HS6ST1: variants seen among roughly 807,000 people sequenced by gnomAD.
HS6ST1 encodes the protein heparan-sulfate 6-O-sulfotransferase 1.
Under a neutral mutation model 25.2 loss-of-function variants are expected in HS6ST1, and 3 were observed. The ratio of observed to expected loss-of-function variants is 0.12; its 90% CI spans 0.05 to 0.31. HS6ST1 has a LOEUF of 0.31. Ranked by LOEUF, HS6ST1 falls within the 10% of genes least tolerant of loss-of-function variation. The pLI is 1.00. For synonymous variants in HS6ST1, 204 were observed against 275.1 expected (o/e 0.74, Z 2.56); for missense variants, 310 against 609.6 (o/e 0.51, Z 5.18).
At chr2:128,301,546 A>C (rs1265157966) in intron 1 of HS6ST1, among the ~76,000 whole-genome samples, 2 of 152,232 alleles carry the variant, frequency 1.3e-5, no homozygotes, top group Admixed American at 1.3e-4. Flanking sequence ...AATACGAAGA[A>C]ACATCCCCAA....
rs534799962 is a variant in HS6ST1 at position 128,268,499 on chromosome 2, G to A, written c.899C>T (p.Thr300Met). 1.9e-5 allele frequency: 31 copies of A among 1,610,990 alleles called. No individual in the cohort carries two copies. Among genetic ancestry groups the A allele is most frequent in the Non-Finnish European group, 2.3e-5 (27 of 1,178,656 alleles). The change falls in exon 2 of 2, where the codon ACG becomes ATG. Residue 300 changes from threonine to methionine, a missense_variant. Thr to Met is a moderately conservative substitution (Grantham distance 81, BLOSUM62 -1). Around this residue, in one of 5 missense-constraint regions of HS6ST1, gnomAD observed 140 missense variants for 176.5 expected, o/e 0.79. Transcript: ENST00000259241. ...GAACGTCCGCTCGAACAGGTACTGCGTCTTGCGCTGGAACTCGGTCAGGCC... is the reference window on the plus strand; with the variant it reads ...GAACGTCCGCTCGAACAGGTACTGCATCTTGCGCTGGAACTCGGTCAGGCC... ...FFGLTEFQRK[T>M]QYLFERTFNL...
chr2:128,311,899 G>A lies in HS6ST1; in HGVS notation c.527+6138C>T, dbSNP rs563027802. ...AATCTTATGGGGGAGGTGGCAGAAG[G>A]GGTGGCCACACTGCGCCAGGAGCCA... On this transcript the variant is annotated intron_variant, in intron 1 of 1. Transcript: ENST00000259241. 3.3e-5 allele frequency among the ~76,000 whole-genome samples: 5 copies of A among 152,336 alleles called. No individual in the cohort carries two copies. The East Asian group carries it at 9.7e-4, about 29-fold the overall frequency.
chr2:128,277,698 G>A (rs563763132), intron 1 of HS6ST1, among the ~76,000 whole-genome samples: 7 of 152,332 alleles, frequency 4.6e-5, no homozygotes, highest in African/African-American at 1.7e-4. Flanking sequence ...AGGAGGGTCC[G>A]GTTCACTCTA....
chr2:128,283,887 G>C (rs966488003), intron 1 of HS6ST1, among the ~76,000 whole-genome samples: 5 of 152,196 alleles, frequency 3.3e-5, no homozygotes, highest in Admixed American at 3.3e-4. Context: ...AAATGCAACT[G>C]ACTCCTGGGA....
chr2:128,300,947 A>G (rs1694116458), intron 1 of HS6ST1, among the ~76,000 whole-genome samples: 1 of 152,262 alleles, frequency 6.6e-6, no homozygotes, highest in Non-Finnish European at 1.5e-5. Context: ...CATGCCTAAG[A>G]AATGAGTGCC....
chr2:128,305,668 C>T (rs1308406074), intron 1 of HS6ST1, among the ~76,000 whole-genome samples: 10 of 152,250 alleles, frequency 6.6e-5, no homozygotes, highest in South Asian at 4.1e-4. Context: ...CCTCTCCTTA[C>T]GGGTGACATC....
chr2:128,297,682 A>C (rs939677186), intron 1 of HS6ST1, among the ~76,000 whole-genome samples: 1 of 152,126 alleles, frequency 6.6e-6, no homozygotes, highest in Non-Finnish European at 1.5e-5. Context: ...AAAAATACAG[A>C]AATTAGCTGG....
Position 128,266,388 on chromosome 2 carries a change from G to A in HS6ST1, c.*1774C>T, listed in dbSNP as rs1693514264. On this transcript the variant is annotated 3_prime_UTR_variant, in exon 2 of 2. Coordinates refer to ENST00000259241, the MANE Select transcript of HS6ST1 (RefSeq NM_004807.3). Reference sequence around the variant, plus strand: ...TTCCTTAGTGTGATGCATCCACCCAGGGAGGTGGCCCTGCGCGGCGCTGGC... The same window carrying A: ...TTCCTTAGTGTGATGCATCCACCCAAGGAGGTGGCCCTGCGCGGCGCTGGC... The A allele has an allele frequency of 6.6e-6, 1 of 152,276 alleles. No individual in the cohort carries two copies. Among genetic ancestry groups the A allele is most frequent in the African/African-American group, 2.4e-5 (1 of 41,460 alleles). 9.4% of individuals were successfully genotyped at this position (152,276 alleles called of 1,614,324 possible). A position where few individuals can be genotyped will look rare whatever the true frequency, so the allele number is the denominator to read the frequency against.
intron 1 of HS6ST1, among the ~76,000 whole-genome samples, chr2:128,276,786 C>T (rs1014600994): frequency 4.6e-5 from 7 of 152,064 alleles, no homozygotes; most frequent in Admixed American, 2.0e-4. Context: ...AGTCTCTACC[C>T]TTTGCTCTGC....
At chr2:128,291,563 C>T (rs571319652) in intron 1 of HS6ST1, among the ~76,000 whole-genome samples, 1 of 152,206 alleles carries the variant, frequency 6.6e-6, no homozygotes, top group Non-Finnish European at 1.5e-5. Context: ...CTCACCAGGG[C>T]CTGAGGGAGA....
chr2:128,272,931 G>A (rs1311577621), intron 1 of HS6ST1, among the ~76,000 whole-genome samples: 1 of 152,120 alleles, frequency 6.6e-6, no homozygotes, highest in East Asian at 1.9e-4. Flanking sequence ...GGTCTAGCAG[G>A]CACCAACAGG....
intron 1 of HS6ST1, among the ~76,000 whole-genome samples, chr2:128,313,048 G>C (rs147895404): frequency 6.6e-5 from 10 of 152,094 alleles, no homozygotes; most frequent in Non-Finnish European, 2.9e-5. Context: ...GCACCGGACA[G>C]AGTGAGACTC....
At chr2:128,289,170 T>C (rs1191331781) in intron 1 of HS6ST1, among the ~76,000 whole-genome samples, 3 of 152,088 alleles carry the variant, frequency 2.0e-5, no homozygotes, top group African/African-American at 4.8e-5. Flanking sequence ...TCCAACTCTA[T>C]ACTCCCATGG....
chr2:128,272,373 C>T (rs959090132), intron 1 of HS6ST1, among the ~76,000 whole-genome samples: 8 of 152,224 alleles, frequency 5.3e-5, no homozygotes, highest in African/African-American at 7.2e-5. Context: ...AAAAGATAAG[C>T]GGTTGCCAGT....
chr2:128,296,514 T>C (rs1694041417), intron 1 of HS6ST1, among the ~76,000 whole-genome samples: 1 of 152,250 alleles, frequency 6.6e-6, no homozygotes, highest in Non-Finnish European at 1.5e-5. Flanking sequence ...TAAACTAACT[T>C]AACAATGTTG....
At chr2:128,293,156 C>T (rs1693983007) in intron 1 of HS6ST1, among the ~76,000 whole-genome samples, 1 of 152,210 alleles carries the variant, frequency 6.6e-6, no homozygotes, top group Non-Finnish European at 1.5e-5. Context: ...CCAAACCAGC[C>T]AGGCACTCCA....
Position 128,275,753 on chromosome 2 carries a change from C to T in HS6ST1, c.528-6883G>A, listed in dbSNP as rs577910657. Among the ~76,000 whole-genome samples, 24 of 152,282 alleles carry T rather than the reference C, an allele frequency of 1.6e-4. 1 individual carries two copies. Among genetic ancestry groups the T allele is most frequent in the Admixed American group, 2.0e-4 (3 of 15,296 alleles). ...GATCTGCTTACGGATGTGAACGAGA[C>T]GGTGAGAACAGTCATCTCCAAGTGT... On this transcript the variant is annotated intron_variant, in intron 1 of 1. Transcript: ENST00000259241.
chr2:128,273,669 C>T (rs1693646845), intron 1 of HS6ST1, among the ~76,000 whole-genome samples: 1 of 152,264 alleles, frequency 6.6e-6, no homozygotes, highest in African/African-American at 2.4e-5. Context: ...ATCCTCTGGT[C>T]TGGTGCCCCA....
At chr2:128,291,999 G>T (rs936397393) in intron 1 of HS6ST1, among the ~76,000 whole-genome samples, 1 of 152,222 alleles carries the variant, frequency 6.6e-6, no homozygotes, top group African/African-American at 2.4e-5. Context: ...CCATCCTAGG[G>T]TGGCTGTGTG....
Sources: gnomAD v4.1 joint callset for allele counts (sites outside exome capture counted in the v4.1 genomes callset) on GRCh38, gnomAD v4.1.1 for gene constraint, gnomAD v4.1.1 regional missense constraint, MANE v1.5 for transcripts, NCBI Gene and HGNC (gene_info 2026-07-23, HGNC 2026-07-21) for gene names.